DIAPH3: variants seen among roughly 807,000 people sequenced by gnomAD.
The protein encoded by DIAPH3 is protein diaphanous homolog 3.
Under a neutral mutation model 144.3 loss-of-function variants are expected in DIAPH3, and 117 were observed. That is an observed-to-expected ratio of 0.81 (90% CI 0.70 to 0.95). The LOEUF is 0.95. Ranked by LOEUF, DIAPH3 falls within the 40% of genes least tolerant of loss-of-function variation. DIAPH3 has a pLI of 0.00. For missense variants in DIAPH3, 1,421 were observed against 1,412.7 expected (o/e 1.01, Z -0.09); for synonymous variants, 519 against 488.9 (o/e 1.06, Z -0.81).
intron 17 of DIAPH3, among the ~76,000 whole-genome samples, chr13:59,956,384 G>T (rs941184363): frequency 1.3e-5 from 2 of 152,224 alleles, no homozygotes; most frequent in Non-Finnish European, 2.9e-5. Flanking sequence ...AGCTAAAGGG[G>T]CAAAGGTACA....
chr13:59,736,137 C>G (rs761488361), intron 27 of DIAPH3, among the ~76,000 whole-genome samples: 10 of 152,124 alleles, frequency 6.6e-5, no homozygotes, highest in Non-Finnish European at 1.3e-4. Flanking sequence ...TTTTTTATGG[C>G]TATATAGTAT....
At chr13:59,788,854 T>C (rs2039177715) in intron 25 of DIAPH3, among the ~76,000 whole-genome samples, 1 of 152,202 alleles carries the variant, frequency 6.6e-6, no homozygotes. Flanking sequence ...TCCAGCAGCT[T>C]AGCAATTATT....
chr13:59,733,594 T>C (rs536398476), intron 27 of DIAPH3, among the ~76,000 whole-genome samples: 19 of 152,356 alleles, frequency 1.2e-4, no homozygotes, highest in African/African-American at 4.6e-4. Flanking sequence ...GGTTTAGTTG[T>C]ATTAAAGTCT....
intron 27 of DIAPH3, among the ~76,000 whole-genome samples, chr13:59,742,493 T>C (rs2036506236): frequency 6.6e-6 from 1 of 151,794 alleles, no homozygotes. Context: ...TGACTTACCT[T>C]AGATCAATCC....
At chr13:59,669,406 T>C (rs1048253441) in intron 27 of DIAPH3, among the ~76,000 whole-genome samples, 1 of 152,158 alleles carries the variant, frequency 6.6e-6, no homozygotes, top group Admixed American at 6.5e-5. Context: ...CTCCCTCTCA[T>C]TTAACTCACT....
intron 4 of DIAPH3, among the ~76,000 whole-genome samples, chr13:60,070,500 T>G (rs541545647): frequency 1.3e-5 from 2 of 152,284 alleles, no homozygotes; most frequent in East Asian, 1.9e-4. Context: ...TTTCAGTTTT[T>G]GGAGAAAACT....
intron 23 of DIAPH3, chr13:59,838,986 C>T (rs2042190742): frequency 3.9e-6 from 1 of 258,682 alleles, no homozygotes; most frequent in African/African-American, 2.3e-5. Context: ...TGGTGCGTGC[C>T]TGTAGGCCCA....
intron 4 of DIAPH3, among the ~76,000 whole-genome samples, chr13:60,086,890 G>C (rs2800302): frequency 0.54 from 81,663 of 151,872 alleles, 22,445 homozygotes; most frequent in Admixed American, 0.6. Flanking sequence ...GATTTTCCAT[G>C]TAGAGAAAAT....
At chr13:59,998,481 C>T (rs895028447) in intron 9 of DIAPH3, among the ~76,000 whole-genome samples, 15 of 152,092 alleles carry the variant, frequency 9.9e-5, no homozygotes, top group South Asian at 4.2e-4. Context: ...AGTAATTGAT[C>T]GGTTAATTAT....
intron 20 of DIAPH3, among the ~76,000 whole-genome samples, chr13:59,910,372 C>T (rs1481178405): frequency 1.3e-5 from 2 of 151,418 alleles, no homozygotes; most frequent in African/African-American, 4.9e-5. Flanking sequence ...AAGAGAATAC[C>T]CTGAAGAATT....
chr13:59,854,991 C>A (rs1456828322), intron 22 of DIAPH3, among the ~76,000 whole-genome samples: 1 of 152,198 alleles, frequency 6.6e-6, no homozygotes, highest in Admixed American at 6.5e-5. Flanking sequence ...TCTCAAAAAG[C>A]AATCTTTAGC....
At chr13:60,035,510 T>A (rs1440670587) in intron 5 of DIAPH3, among the ~76,000 whole-genome samples, 1 of 152,178 alleles carries the variant, frequency 6.6e-6, no homozygotes, top group Non-Finnish European at 1.5e-5. Flanking sequence ...AGTTAGTACT[T>A]ATTTGAAAAC....
chr13:59,843,150 T>G (rs1240775403), intron 22 of DIAPH3, among the ~76,000 whole-genome samples: 1 of 152,194 alleles, frequency 6.6e-6, no homozygotes, highest in East Asian at 1.9e-4. Context: ...TATGTGTCAC[T>G]CAGGAAATTC....
intron 17 of DIAPH3, among the ~76,000 whole-genome samples, chr13:59,933,944 A>G (rs1459193288): frequency 6.6e-6 from 1 of 152,174 alleles, no homozygotes; most frequent in Non-Finnish European, 1.5e-5. Flanking sequence ...TCCATGTCAC[A>G]TGGTTATACA....
chr13:59,736,611 A>C (rs2036166288), intron 27 of DIAPH3, among the ~76,000 whole-genome samples: 1 of 152,220 alleles, frequency 6.6e-6, no homozygotes, highest in South Asian at 2.1e-4. Flanking sequence ...ATTCAATGCT[A>C]TTCCCATTAC....
chr13:60,149,011 T>G (rs942239315), intron 1 of DIAPH3, among the ~76,000 whole-genome samples: 2 of 152,078 alleles, frequency 1.3e-5, no homozygotes, highest in Admixed American at 6.6e-5. Context: ...AAACAAGTAA[T>G]TCACAGAAAG....
chr13:59,708,044 T>G (rs200361927), intron 27 of DIAPH3, among the ~76,000 whole-genome samples: 6 of 151,794 alleles, frequency 4.0e-5, no homozygotes, highest in South Asian at 4.2e-4. Context: ...AACTACTAAT[T>G]CATTTCTTTC....
chr13:59,899,939 T>G (rs1466050319), intron 20 of DIAPH3, among the ~76,000 whole-genome samples: 1 of 152,230 alleles, frequency 6.6e-6, no homozygotes, highest in East Asian at 1.9e-4. Flanking sequence ...ATGCTGGGTT[T>G]TTATTAGTTC....
chr13:59,809,990 C>A (rs770655824), intron 25 of DIAPH3, among the ~76,000 whole-genome samples: 17 of 152,032 alleles, frequency 1.1e-4, no homozygotes, highest in Non-Finnish European at 2.5e-4. Flanking sequence ...TTACATAATT[C>A]TTTTGCTTCT....
Sources: gnomAD v4.1 joint callset for allele counts (sites outside exome capture counted in the v4.1 genomes callset) on GRCh38, gnomAD v4.1.1 for gene constraint, MANE v1.5 for transcripts, NCBI Gene and HGNC (gene_info 2026-07-23, HGNC 2026-07-21) for gene names.